Variants in ATP6V1E1 observed in about 807,000 individuals in gnomAD.
ATP6V1E1 encodes ATPase H+ transporting V1 subunit E1.
A neutral mutation model predicts 35.2 loss-of-function variants in ATP6V1E1; 21 were observed. The ratio of observed to expected loss-of-function variants is 0.60; its 90% CI spans 0.42 to 0.86. ATP6V1E1 has a LOEUF of 0.86. Ranked by LOEUF, ATP6V1E1 falls within the 40% of genes least tolerant of loss-of-function variation. The pLI, the probability that ATP6V1E1 is intolerant of heterozygous loss-of-function variation, is 0.00. For synonymous variants in ATP6V1E1, 83 were observed against 87.8 expected (o/e 0.95, Z 0.30); for missense variants, 183 against 272.6 (o/e 0.67, Z 2.32).
At chr22:17,603,694 ATCT>A (rs1259204781) in intron 4 of ATP6V1E1, among the ~76,000 whole-genome samples, 1 of 152,188 alleles carries the variant, frequency 6.6e-6, no homozygotes. Context: ...TCTCCAAAAT[ATCT>A]TATTATGTGT....
At chr22:17,612,688 A>G (rs2057821170) in intron 4 of ATP6V1E1, 124 bp downstream of exon 4, 1 of 831,436 alleles carries the variant, frequency 1.2e-6, no homozygotes, top group Non-Finnish European at 1.8e-6. Flanking sequence ...TATTATAATA[A>G]TTGGAATGTT....
intron 4 of ATP6V1E1, among the ~76,000 whole-genome samples, chr22:17,610,119 C>T (rs2057808189): frequency 7.6e-6 from 1 of 132,228 alleles, no homozygotes; most frequent in Non-Finnish European, 1.7e-5. Flanking sequence ...CCAGACCATG[C>T]CTCTTAAAAA....
intron 4 of ATP6V1E1, among the ~76,000 whole-genome samples, chr22:17,610,991 T>C (rs142609752): frequency 1.1e-3 from 175 of 152,246 alleles, no homozygotes; most frequent in African/African-American, 4.0e-3. Context: ...ACATAGATAA[T>C]GAATACAAGA....
At chr22:17,620,141 C>T (rs1000162293) in intron 1 of ATP6V1E1, among the ~76,000 whole-genome samples, 1 of 150,088 alleles carries the variant, frequency 6.7e-6, no homozygotes, top group African/African-American at 2.5e-5. Context: ...GTTCAGCAAC[C>T]TTCCCTTTGT....
At chr22:17,618,967 T>C (rs2057860828) in intron 2 of ATP6V1E1, 2 of 453,462 alleles carry the variant, frequency 4.4e-6, no homozygotes, top group Admixed American at 4.7e-5. Context: ...GCCACTGCAC[T>C]GCAGTCCCAG....
intron 4 of ATP6V1E1, among the ~76,000 whole-genome samples, chr22:17,606,570 T>C (rs1411681217): frequency 1.3e-5 from 2 of 152,220 alleles, no homozygotes; most frequent in Non-Finnish European, 2.9e-5. Context: ...AGAGAAATAA[T>C]ATAAAAGCTC....
Position 17,594,585 on chromosome 22 carries a change from G to T in ATP6V1E1, c.562C>A (p.Arg188Ser). Reference sequence around the variant, plus strand: ...AGGGTGTTGGAAACCTTTATTTTACGATCTCCATTATAGATCTCAACTCCA... The same window carrying T: ...AGGGTGTTGGAAACCTTTATTTTACTATCTCCATTATAGATCTCAACTCCA... ...AGGVEIYNGD[R>S]KIKVSNTLES... Residue 188 changes from arginine to serine, a missense_variant, in exon 8 of 9, where the codon CGT (arginine) becomes AGT (serine). Physicochemically the swap from Arg to Ser is moderately radical, Grantham distance 110 (BLOSUM62 -1). Coordinates refer to ENST00000253413, the MANE Select transcript of ATP6V1E1 (RefSeq NM_001696.4). 1 of 1,593,920 alleles carries T rather than the reference G, an allele frequency of 6.3e-7. No individual in the cohort carries two copies. The highest frequency in any genetic ancestry group is 8.5e-7 in the Non-Finnish European group (1 of 1,170,634).
chr22:17,596,460 T>C (rs748720940), intron 7 of ATP6V1E1, among the ~76,000 whole-genome samples: 4 of 152,072 alleles, frequency 2.6e-5, no homozygotes, highest in Non-Finnish European at 5.9e-5. Flanking sequence ...CGCCATGTGG[T>C]CTCTATGCAC....
chr22:17,619,783 A>G (rs1235213776), intron 1 of ATP6V1E1, among the ~76,000 whole-genome samples: 6 of 152,204 alleles, frequency 3.9e-5, no homozygotes, highest in Non-Finnish European at 8.8e-5. Context: ...GAGTACAAGG[A>G]TAAGTGAGAT....
intron 2 of ATP6V1E1, among the ~76,000 whole-genome samples, chr22:17,614,244 G>A (rs2057830554): frequency 6.6e-6 from 1 of 151,728 alleles, no homozygotes; most frequent in Admixed American, 6.6e-5. Flanking sequence ...CAGCTAGTCG[G>A]AAGGCTGAGG....
At chr22:17,613,975 AC>A (rs1296329911) in intron 2 of ATP6V1E1, among the ~76,000 whole-genome samples, 1 of 151,930 alleles carries the variant, frequency 6.6e-6, no homozygotes, top group African/African-American at 2.4e-5. Flanking sequence ...TCAAAAAAAA[AC>A]AAAGATCCAG....
chr22:17,615,243 G>A (rs2057837663), intron 2 of ATP6V1E1, among the ~76,000 whole-genome samples: 1 of 152,136 alleles, frequency 6.6e-6, no homozygotes, highest in Non-Finnish European at 1.5e-5. Flanking sequence ...AGAGATTACA[G>A]TGAGCCGAGA....
chr22:17,594,143 A>T (rs1431192393), intron 8 of ATP6V1E1, among the ~76,000 whole-genome samples: 1 of 152,140 alleles, frequency 6.6e-6, no homozygotes, highest in Non-Finnish European at 1.5e-5. Context: ...TGGAAGTTGC[A>T]GTGAGCCAAG....
intron 1 of ATP6V1E1, among the ~76,000 whole-genome samples, chr22:17,622,469 G>C (rs533477546): frequency 4.6e-4 from 70 of 152,200 alleles, no homozygotes; most frequent in Admixed American, 1.6e-3. Flanking sequence ...GTATACATAG[G>C]TGTACCAAAA....
At chr22:17,606,851 G>C (rs2146303698) in intron 4 of ATP6V1E1, among the ~76,000 whole-genome samples, 1 of 152,318 alleles carries the variant, frequency 6.6e-6, no homozygotes, top group South Asian at 2.1e-4. Context: ...CTCAAACATT[G>C]AACACTGTAT....
chr22:17,627,163 T>C lies in ATP6V1E1; in HGVS notation c.33+1440A>G, dbSNP rs536200485. 1.3e-3 allele frequency among the ~76,000 whole-genome samples: 200 copies of C among 151,412 alleles called. 1 individual carries two copies. Among genetic ancestry groups the C allele is most frequent in the African/African-American group, 4.4e-3 (181 of 41,324 alleles). On this transcript the variant is annotated intron_variant, in intron 1 of 8. Transcript: ENST00000253413. ...CCCCACTAGGCCCAGACAATCTTTT[T>C]TTTTTTATTTTTTTGAGAGGGAGTC...
intron 2 of ATP6V1E1, 47 bp from the exon 3 acceptor site, chr22:17,613,367 T>A (rs778199360): frequency 6.5e-7 from 1 of 1,530,428 alleles, no homozygotes; most frequent in African/African-American, 1.4e-5. Flanking sequence ...AAGTTTTGAT[T>A]AACAGTTTTA....
In ATP6V1E1 at chr22:17,604,720, T is replaced by A. The variant is rs376248981; in HGVS notation, c.277-3539A>T. ...TTTTAGTAGAGACAGGGCTTCACCA[T>A]GTTGATCAGGCTGGTCTCGAACCCC... On this transcript the variant is annotated intron_variant, in intron 4 of 8. Transcript: ENST00000253413. 2.0e-3 allele frequency among the ~76,000 whole-genome samples: 304 copies of A among 152,046 alleles called. 1 individual carries two copies. The highest frequency in any genetic ancestry group is 6.9e-3 in the African/African-American group (288 of 41,518).
intron 5 of ATP6V1E1, 89 bp downstream of exon 5, chr22:17,601,003 G>T: frequency 9.3e-7 from 1 of 1,072,664 alleles, no homozygotes; most frequent in Non-Finnish European, 1.3e-6. Context: ...AAATGAGAAA[G>T]CAGGAAAAAA....
Sources: gnomAD v4.1 joint callset for allele counts (sites outside exome capture counted in the v4.1 genomes callset) on GRCh38, gnomAD v4.1.1 for gene constraint, MANE v1.5 for transcripts, NCBI Gene and HGNC (gene_info 2026-07-23, HGNC 2026-07-21) for gene names.